The following SOX7 variants were observed in gnomAD, a reference collection of about 807,000 sequenced individuals.
SOX7 encodes SRY-box transcription factor 7, also known as transcription factor SOX-7.
Under a neutral mutation model 24.9 loss-of-function variants are expected in SOX7, and 19 were observed. The observed-to-expected ratio is 0.76, with a 90% CI of 0.53 to 1.12. SOX7 has a LOEUF of 1.12. Ranked by LOEUF, SOX7 falls within the 50% of genes most tolerant of loss-of-function variation. The pLI is 0.00. For synonymous variants in SOX7, 327 were observed against 244.5 expected (o/e 1.34, Z -3.15); for missense variants, 702 against 535.0 (o/e 1.31, Z -3.08).
chr8:10,728,797 G>T (rs993515524), intron 1 of SOX7, among the ~76,000 whole-genome samples: 4 of 152,158 alleles, frequency 2.6e-5, no homozygotes, highest in African/African-American at 9.7e-5. Flanking sequence ...TGTTGGCAGG[G>T]TCAACAGGCA....
At position 10,726,788 on chromosome 8, in the gene SOX7, A is replaced by G. The variant is rs183334516; in HGVS notation, c.239-122T>C. ...CCTCCCTTCCCCCTCCCAGCCACAGAGGACACGGGCATCTCTTGCACCCTC... is the reference window on the plus strand; with the variant it reads ...CCTCCCTTCCCCCTCCCAGCCACAGGGGACACGGGCATCTCTTGCACCCTC... On this transcript the variant is annotated intron_variant, in intron 1 of 1. Transcript: ENST00000304501. 607 of 882,102 alleles carry G rather than the reference A, an allele frequency of 6.9e-4. 2 individuals are homozygous for G. The highest frequency in any genetic ancestry group is 9.4e-4 in the Non-Finnish European group (556 of 594,366). 54.6% of individuals were successfully genotyped at this position (882,102 alleles called of 1,614,324 possible). A position where few individuals can be genotyped will look rare whatever the true frequency, so the allele number is the denominator to read the frequency against.
chr8:10,726,493 G>T lies in SOX7; in HGVS notation c.412C>A (p.Leu138Ile). 6.2e-7 allele frequency: 1 copy of T among 1,612,532 alleles called. No homozygotes were observed. The change falls in exon 2 of 2, where the codon CTC becomes ATC. Residue 138 changes from leucine (L) to isoleucine (I), a missense_variant. Physicochemically the swap from Leu to Ile is conservative, Grantham distance 5 (BLOSUM62 2). Transcript: ENST00000304501. Reference protein sequence around the residue: ...RVDPGFLLSSLSRDQNALPEK... With the variant: ...RVDPGFLLSSISRDQNALPEK... ...GGCAGGGCGTTCTGGTCCCGGGAGAGGGAGCTCAGAAGGAAGCCCGGGTCC... is the reference window on the plus strand; with the variant it reads ...GGCAGGGCGTTCTGGTCCCGGGAGATGGAGCTCAGAAGGAAGCCCGGGTCC...
In SOX7 at chr8:10,726,039, T is replaced by C. The variant is rs1170838534; in HGVS notation, c.866A>G (p.Tyr289Cys). The change falls in exon 2 of 2, where the codon TAC becomes TGC. Residue 289 changes from tyrosine (Y) to cysteine (C), a missense_variant. Physicochemically the swap from Tyr to Cys is radical, Grantham distance 194. Transcript: ENST00000304501. ...TTGGAGGTTGGAGTGGAGTGGGTGG[T>C]AGGTGGCCGGGGAGTAATAGGCAGG... ...PSPAYYSPAT[Y>C]HPLHSNLQAH... The C allele has an allele frequency of 1.9e-6, 3 of 1,572,412 alleles. No individual in the cohort carries two copies. Among genetic ancestry groups the C allele is most frequent in the Admixed American group, 3.5e-5 (2 of 57,000 alleles).
intron 1 of SOX7, chr8:10,729,378 A>C (rs1800216362): frequency 6.6e-6 from 1 of 152,208 alleles, no homozygotes; most frequent in Non-Finnish European, 1.5e-5. Context: ...ACCTCGTCGA[A>C]AGGCAAAGAA....
intron 1 of SOX7, 67 bp from the exon 2 acceptor site, chr8:10,726,733 C>T (rs1800164229): frequency 2.1e-5 from 29 of 1,391,796 alleles, no homozygotes; most frequent in Non-Finnish European, 2.6e-5. Context: ...CATGCACACG[C>T]GTGCACACAC....
chr8:10,724,209 A>G lies in SOX7; in HGVS notation c.*1529T>C, dbSNP rs141950140. 6.6e-6 allele frequency: 1 copy of G among 152,304 alleles called. No individual in the cohort carries two copies. The highest frequency in any genetic ancestry group is 1.9e-4 in the East Asian group (1 of 5,190). The allele number at this position is 152,304 out of a possible 1,614,324, so 9.4% of individuals were successfully genotyped here. A position where few individuals can be genotyped will look rare whatever the true frequency, so the allele number is the denominator to read the frequency against. ...AAGGAGGTTTGGGGGAAAGATGAAA[A>G]TATTTTGGGGGCAGGGGTCCAGGGC... On this transcript the variant is annotated 3_prime_UTR_variant, in exon 2 of 2. Transcript: ENST00000304501.
intron 1 of SOX7, among the ~76,000 whole-genome samples, chr8:10,727,699 G>A (rs550959066): frequency 6.6e-6 from 1 of 152,298 alleles, no homozygotes; most frequent in East Asian, 1.9e-4. Flanking sequence ...GGGGTGGGGG[G>A]CTTCTGGACC....
At position 10,724,021 on chromosome 8, in the gene SOX7, A is replaced by G. The variant is rs1222491426; in HGVS notation, c.*1717T>C. The G allele has an allele frequency of 1.3e-5, 2 of 152,368 alleles. No individual in the cohort carries two copies. Among genetic ancestry groups the G allele is most frequent in the South Asian group, 2.1e-4 (1 of 4,834 alleles). 9.4% of individuals were successfully genotyped at this position (152,368 alleles called of 1,614,324 possible). A position where few individuals can be genotyped will look rare whatever the true frequency, so the allele number is the denominator to read the frequency against. On this transcript the variant is annotated 3_prime_UTR_variant, in exon 2 of 2. Coordinates refer to ENST00000304501, the MANE Select transcript of SOX7 (RefSeq NM_031439.4). ...GTAATCATACCTTATAAGTGATTTT[A>G]CAATAGGACATCTTAGAAGGACAAA...
At position 10,726,024 on chromosome 8, in the gene SOX7, G is replaced by A. The variant is rs529176510; in HGVS notation, c.881C>T (p.Ser294Phe). ...YSPATYHPLH[S>F]NLQAHLGQLS... ...CTGGCCCAGGTGGGCTTGGAGGTTGGAGTGGAGTGGGTGGTAGGTGGCCGG... is the reference window on the plus strand; with the variant it reads ...CTGGCCCAGGTGGGCTTGGAGGTTGAAGTGGAGTGGGTGGTAGGTGGCCGG... The change falls in exon 2 of 2, where the codon TCC (serine) becomes TTC (phenylalanine). Residue 294 changes from serine (S) to phenylalanine (F), a missense_variant. By Grantham distance (155) the Ser-to-Phe change is radical. Transcript: ENST00000304501. 9 of 1,581,970 alleles carry A rather than the reference G, an allele frequency of 5.7e-6. No individual in the cohort carries two copies. The highest frequency in any genetic ancestry group is 7.7e-6 in the Non-Finnish European group (9 of 1,162,872).
rs748599339 is a variant in SOX7 at position 10,726,626 on chromosome 8, C to T, written c.279G>A (p.Pro93=). ...WKALTLSQKR[P]YVDEAERLRL... ...GCAGCCGCTCCGCCTCGTCCACGTA[C>T]GGCCTCTTCTGGGACAGCGTCAGCG... is the stretch of plus-strand genomic sequence containing the variant. Residue 93 remains proline, a synonymous_variant, in exon 2 of 2, where the codon CCG becomes CCA. Transcript: ENST00000304501. 4 of 1,600,294 alleles carry T rather than the reference C, an allele frequency of 2.5e-6. No homozygotes were observed. The highest frequency in any genetic ancestry group is 1.3e-5 in the African/African-American group (1 of 74,912).
In SOX7 at chr8:10,730,269, C is replaced by CCAAA. The variant is rs1563180883; in HGVS notation, c.161_164dup (p.Trp55CysfsTer111). On this transcript the variant is annotated frameshift_variant, in exon 1 of 2. Transcript: ENST00000304501. LOFTEE classifies it high-confidence loss of function. This position sits in a 1 kb window ranked among gnomAD's most constrained non-coding sequence, Gnocchi z 4.8. ...CCAGCCGTTTCCTCTCGTCCTTGGCCCAAACCATGAAGGCGTTCATGGGCC... is the reference window on the plus strand; with the variant it reads ...CCAGCCGTTTCCTCTCGTCCTTGGCCCAAACAAACCATGAAGGCGTTCATGGGCC... 6.3e-7 allele frequency: 1 copy of CCAAA among 1,581,738 alleles called. No individual in the cohort carries two copies. Among genetic ancestry groups the CCAAA allele is most frequent in the South Asian group, 1.1e-5 (1 of 87,454 alleles).
In SOX7 at chr8:10,730,491, C is replaced by G. The variant is rs886903457; in HGVS notation, c.-58G>C. 23 of 1,281,262 alleles carry G rather than the reference C, an allele frequency of 1.8e-5. No homozygotes were observed. The African/African-American group carries it at 3.5e-4, about 19-fold the overall frequency. 79.4% of individuals were successfully genotyped at this position (1,281,262 alleles called of 1,614,324 possible). A position where few individuals can be genotyped will look rare whatever the true frequency, so the allele number is the denominator to read the frequency against. ...GGGGCAGGCGCGGACCTGGCCCTCG[C>G]ACGGGTCGGGGCGTCCAACTTGGCC... On this transcript the variant is annotated 5_prime_UTR_variant, in exon 1 of 2. Transcript: ENST00000304501. The surrounding 1 kb of genome is among the most constrained non-coding windows in gnomAD (Gnocchi z 4.8).
chr8:10,730,368 C>A lies in SOX7; in HGVS notation c.66G>T (p.Glu22Asp). 6.4e-7 allele frequency: 1 copy of A among 1,560,170 alleles called. No homozygotes were observed. The highest frequency in any genetic ancestry group is 2.5e-5 in the East Asian group (1 of 39,608). Residue 22 changes from glutamate (E) to aspartate (D), a missense_variant, in exon 1 of 2, where the codon GAG becomes GAT. Physicochemically the swap from Glu to Asp is conservative, Grantham distance 45 (BLOSUM62 2). Transcript: ENST00000304501. The surrounding 1 kb of genome is among the most constrained non-coding windows in gnomAD (Gnocchi z 4.8). ...EGLECPALDA[E>D]LSDGQSPPAV... ...CCGGCGGCGATTGTCCATCCGACAG[C>A]TCGGCGTCCAGGGCCGGGCACTCGA...
In SOX7 at chr8:10,726,276, A is replaced by G. The variant is rs1333428489; in HGVS notation, c.629T>C (p.Leu210Pro). The G allele has an allele frequency of 6.2e-7, 1 of 1,613,816 alleles. No homozygotes were observed. The highest frequency in any genetic ancestry group is 8.5e-7 in the Non-Finnish European group (1 of 1,179,950). Residue 210 changes from leucine to proline, a missense_variant, in exon 2 of 2, where the codon CTG (leucine) becomes CCG (proline). By Grantham distance (98) the Leu-to-Pro change is moderately conservative. Transcript: ENST00000304501. Reference protein sequence around the residue: ...GLPTPPEMSPLDVLEPEQTFF... With the variant: ...GLPTPPEMSPPDVLEPEQTFF... ...GGTCTGCTCCGGCTCCAGCACGTCC[A>G]GGGGAGACATTTCAGGAGGTGTGGG...
chr8:10,727,192 T>C (rs565214546), intron 1 of SOX7, among the ~76,000 whole-genome samples: 1 of 152,328 alleles, frequency 6.6e-6, no homozygotes, highest in South Asian at 2.1e-4. Context: ...CAGTCAATAC[T>C]TTCACAGATG....
At chr8:10,727,229 G>T (rs1800173045) in intron 1 of SOX7, among the ~76,000 whole-genome samples, 1 of 152,164 alleles carries the variant, frequency 6.6e-6, no homozygotes, top group African/African-American at 2.4e-5. Context: ...TCTCACTTAG[G>T]TTAACAAATA....
chr8:10,727,580 G>C (rs1021540507), intron 1 of SOX7, among the ~76,000 whole-genome samples: 3 of 152,264 alleles, frequency 2.0e-5, no homozygotes, highest in Admixed American at 2.0e-4. Context: ...TGCTGGCTGC[G>C]CTTGATCTTC....
rs1234731343 is a variant in SOX7, at chr8:10,725,136, G to C, written c.*602C>G. 1 of 153,670 alleles carries C rather than the reference G, an allele frequency of 6.5e-6. No individual in the cohort carries two copies. The highest frequency in any genetic ancestry group is 1.4e-5 in the Non-Finnish European group (1 of 69,094). The allele number at this position is 153,670 out of a possible 1,614,324, so 9.5% of individuals were successfully genotyped here. The stretch of plus-strand genomic sequence containing the variant: ...TAGTTTTAACTCAATCCCATTTTCT[G>C]TGATATAGTTAGCCATACTGGTTAA... On this transcript the variant is annotated 3_prime_UTR_variant, in exon 2 of 2. Transcript: ENST00000304501.
Position 10,726,060 on chromosome 8 carries a change from G to C in SOX7, c.845C>G (p.Ala282Gly), listed in dbSNP as rs1800142519. ...GTGGTAGGTGGCCGGGGAGTAATAG[G>C]CAGGAGATGGGGGACAGCCGGGTAC... is the stretch of plus-strand genomic sequence containing the variant. The part of the protein sequence containing the change: ...SPVPGCPPSP[A>G]YYSPATYHPL... The change falls in exon 2 of 2, where the codon GCC becomes GGC. Residue 282 changes from alanine (A) to glycine (G), a missense_variant. Ala to Gly is a moderately conservative substitution (Grantham distance 60). Coordinates refer to ENST00000304501, the MANE Select transcript of SOX7 (RefSeq NM_031439.4). The C allele has an allele frequency of 6.4e-7, 1 of 1,566,244 alleles. No homozygotes were observed. The highest frequency in any genetic ancestry group is 1.8e-5 in the Admixed American group (1 of 56,050).
Sources: allele counts gnomAD v4.1 joint callset (sites outside exome capture counted in the v4.1 genomes callset), GRCh38; gene constraint gnomAD v4.1.1; non-coding constraint Gnocchi (gnomAD v3.1); transcripts MANE v1.5; gene names NCBI Gene and HGNC (gene_info 2026-07-23, HGNC 2026-07-21).